The following SLC30A4 variants were observed in gnomAD, a reference collection of about 807,000 sequenced individuals.
SLC30A4 encodes probable proton-coupled zinc antiporter SLC30A4.
SLC30A4 carries 20 observed loss-of-function variants against 41.7 expected under a neutral mutation model. The ratio of observed to expected loss-of-function variants is 0.48; its 90% confidence interval spans 0.34 to 0.70. The LOEUF is 0.70. Ranked by LOEUF, SLC30A4 falls within the 30% of genes least tolerant of loss-of-function variation. The pLI, the probability that SLC30A4 is intolerant of heterozygous loss-of-function variation, is 0.01. For missense variants in SLC30A4, 441 were observed against 529.3 expected, an observed-to-expected ratio of 0.83 and a Z score of 1.64; for synonymous variants, 181 against 195.9, an observed-to-expected ratio of 0.92 and a Z score of 0.64.
At position 45,484,884 on chromosome 15, in the gene SLC30A4, A is replaced by G. The variant is rs1891667344; in HGVS notation, c.*279T>C. The stretch of plus-strand genomic sequence containing the variant: ...GACACGTACTCTGTCAAGTTAATGA[A>G]GTATGATCTTGGATTGTCTTCTATG... On this transcript the variant is annotated 3_prime_UTR_variant, in exon 8 of 8. Transcript: ENST00000261867. 3.0e-6 allele frequency: 1 copy of G among 334,938 alleles called. No individual in the cohort carries two copies. Among genetic ancestry groups the G allele is most frequent in the Non-Finnish European group, 5.4e-6 (1 of 186,100 alleles). The allele number at this position is 334,938 out of a possible 1,614,324, so 20.7% of individuals were successfully genotyped here. A position where few individuals can be genotyped will look rare whatever the true frequency, so the allele number is the denominator to read the frequency against.
intron 3 of SLC30A4, among the ~76,000 whole-genome samples, chr15:45,497,916 T>C (rs973628405): frequency 6.6e-6 from 1 of 152,208 alleles, no homozygotes; most frequent in Non-Finnish European, 1.5e-5. Context: ...AACAAGTAAC[T>C]ATGAGGCACT....
chr15:45,485,256 G>A lies in SLC30A4; in HGVS notation c.1197C>T (p.Asn399=), dbSNP rs1283801715. ...TAGTACATCTATACATGCCAAATGT[G>A]TTCAATAATAAATGGTTTGCTTTGG... ...VQSKANHLLL[N]TFGMYRCTIQ... The change falls in exon 8 of 8, where the codon AAC becomes AAT. Residue 399 remains asparagine (N), a synonymous_variant. Transcript: ENST00000261867. 1.2e-6 allele frequency: 2 copies of A among 1,611,190 alleles called. No homozygotes were observed. Among genetic ancestry groups the A allele is most frequent in the Admixed American group, 1.7e-5 (1 of 59,858 alleles).
intron 2 of SLC30A4, among the ~76,000 whole-genome samples, chr15:45,516,686 T>C (rs1892489364): frequency 6.6e-6 from 1 of 152,134 alleles, no homozygotes; most frequent in Admixed American, 6.5e-5. Context: ...CTGGCCAACA[T>C]GTTGAAACTC....
intron 3 of SLC30A4, among the ~76,000 whole-genome samples, chr15:45,495,982 T>C (rs1264171528): frequency 6.6e-6 from 1 of 152,228 alleles, no homozygotes; most frequent in African/African-American, 2.4e-5. Flanking sequence ...ATAACAGTTA[T>C]ATGTCTTCTG....
chr15:45,522,190 G>A lies in SLC30A4; in HGVS notation c.165C>T (p.Ser55=), dbSNP rs749975391. 2.0e-5 allele frequency: 32 copies of A among 1,614,114 alleles called. No individual in the cohort carries two copies. The highest frequency in any genetic ancestry group is 3.3e-4 in the Middle Eastern group (2 of 6,084). The change falls in exon 2 of 8, where the codon TCC becomes TCT. Residue 55 remains serine (S), a synonymous_variant. Transcript: ENST00000261867. The part of the protein sequence containing the change: ...KLRVVVADDG[S]EAPERPVNGA... ...CGTTAACAGGCCTTTCCGGGGCTTCGGAACCGTCATCGGCCACCACAACTC... is the reference window on the plus strand; with the variant it reads ...CGTTAACAGGCCTTTCCGGGGCTTCAGAACCGTCATCGGCCACCACAACTC...
Position 45,482,155 on chromosome 15 carries a change from T to C in SLC30A4, c.*3008A>G, listed in dbSNP as rs1891612085. The C allele has an allele frequency of 6.6e-6, 1 of 150,778 alleles. No homozygotes were observed. Among genetic ancestry groups the C allele is most frequent in the Non-Finnish European group, 1.5e-5 (1 of 68,144 alleles). 9.3% of individuals were successfully genotyped at this position (150,778 alleles called of 1,614,324 possible). ...CTTTTTGGCTGGGCACAGTGGTTCATGCCCATAAGCCCAGCACTTTGGGAG... is the reference window on the plus strand; with the variant it reads ...CTTTTTGGCTGGGCACAGTGGTTCACGCCCATAAGCCCAGCACTTTGGGAG... On this transcript the variant is annotated 3_prime_UTR_variant, in exon 8 of 8. Transcript: ENST00000261867.
At chr15:45,490,685 T>C in intron 4 of SLC30A4, 43 bp downstream of exon 4, 1 of 1,388,076 alleles carries the variant, frequency 7.2e-7, no homozygotes. Flanking sequence ...GTCTCTGAGT[T>C]CACAGTACTT....
chr15:45,513,974 A>T (rs2140854707), intron 2 of SLC30A4: 1 of 152,460 alleles, frequency 6.6e-6, no homozygotes, highest in Non-Finnish European at 1.5e-5. Flanking sequence ...GTAGGCAATG[A>T]TGTGTTCTCT....
At chr15:45,504,902 G>A (rs1288463405) in intron 3 of SLC30A4, among the ~76,000 whole-genome samples, 1 of 152,100 alleles carries the variant, frequency 6.6e-6, no homozygotes, top group Non-Finnish European at 1.5e-5. Context: ...ACTTCTCTTT[G>A]TTGCCTCTCA....
At position 45,482,640 on chromosome 15, in the gene SLC30A4, A is replaced by T. The variant is rs186042528; in HGVS notation, c.*2523T>A. On this transcript the variant is annotated 3_prime_UTR_variant, in exon 8 of 8. Coordinates refer to ENST00000261867, the MANE Select transcript of SLC30A4 (RefSeq NM_013309.6). ...ACTCAAAGTCCATAAATATGTCCAG[A>T]TGTCCACTGAAATATCTCTCATTTA... 5.1e-4 allele frequency: 78 copies of T among 152,208 alleles called. No homozygotes were observed. Among genetic ancestry groups the T allele is most frequent in the Admixed American group, 4.8e-3 (73 of 15,288 alleles). 9.4% of individuals were successfully genotyped at this position (152,208 alleles called of 1,614,324 possible).
chr15:45,510,056 C>A (rs1004000368), intron 3 of SLC30A4, among the ~76,000 whole-genome samples: 16 of 147,400 alleles, frequency 1.1e-4, no homozygotes, highest in Non-Finnish European at 2.4e-4. Flanking sequence ...TGGGCAACAG[C>A]GCAAGAAGAT....
At chr15:45,503,457 A>G (rs1180261892) in intron 3 of SLC30A4, among the ~76,000 whole-genome samples, 1 of 151,956 alleles carries the variant, frequency 6.6e-6, no homozygotes, top group Non-Finnish European at 1.5e-5. Flanking sequence ...TCTCTACCAA[A>G]ATACAAAAAT....
At chr15:45,508,856 T>C (rs945794379) in intron 3 of SLC30A4, among the ~76,000 whole-genome samples, 1 of 152,206 alleles carries the variant, frequency 6.6e-6, no homozygotes, top group Non-Finnish European at 1.5e-5. Flanking sequence ...AAAGTGACTA[T>C]GTAGAACAAA....
At chr15:45,505,743 A>G (rs1306532101) in intron 3 of SLC30A4, among the ~76,000 whole-genome samples, 1 of 152,158 alleles carries the variant, frequency 6.6e-6, no homozygotes, top group East Asian at 1.9e-4. Context: ...ATATGAACAT[A>G]TATATGTATT....
At chr15:45,518,679 C>G (rs147696991) in intron 2 of SLC30A4, among the ~76,000 whole-genome samples, 120 of 151,962 alleles carry the variant, frequency 7.9e-4, no homozygotes, top group African/African-American at 2.7e-3. Flanking sequence ...CCTGCCACTT[C>G]AGCCTCCAGA....
chr15:45,520,938 G>C, intron 2 of SLC30A4: 1 of 431,360 alleles, frequency 2.3e-6, no homozygotes, highest in South Asian at 1.8e-5. Context: ...GAACGCCTTA[G>C]AGGCAAAAAG....
At chr15:45,501,523 C>T (rs767530303) in intron 3 of SLC30A4, among the ~76,000 whole-genome samples, 3 of 152,100 alleles carry the variant, frequency 2.0e-5, no homozygotes, top group Non-Finnish European at 4.4e-5. Flanking sequence ...TTGTTTTAGA[C>T]AGAGTCTTGC....
At chr15:45,487,905 GAAGT>G (rs1311027716) in intron 5 of SLC30A4, among the ~76,000 whole-genome samples, 3 of 134,506 alleles carry the variant, frequency 2.2e-5, no homozygotes, top group Non-Finnish European at 4.7e-5. Context: ...GAGCTGGAAA[GAAGT>G]AAGTGTGTGT....
Position 45,488,883 on chromosome 15 carries a change from C to G in SLC30A4, c.852G>C (p.Gln284His). The change falls in exon 5 of 8, where the codon CAG (glutamine) becomes CAC (histidine). Residue 284 changes from glutamine to histidine, a missense_variant. This residue lies in a region of SLC30A4 where 29 missense variants were observed against 66.4 expected (regional missense o/e 0.44). Coordinates refer to ENST00000261867, the MANE Select transcript of SLC30A4 (RefSeq NM_013309.6). ...AFVHALGDLV[Q>H]SVGVLIAAYI... ...ATGCAGCTATTAGCACACCAACACT[C>G]TGTACCAAATCTCCCAAAGCATGTA... The G allele has an allele frequency of 6.2e-7, 1 of 1,614,110 alleles. No homozygotes were observed. The highest frequency in any genetic ancestry group is 8.5e-7 in the Non-Finnish European group (1 of 1,180,006).
Sources: gnomAD v4.1 joint callset for allele counts (sites outside exome capture counted in the v4.1 genomes callset) on GRCh38, gnomAD v4.1.1 for gene constraint, gnomAD v4.1.1 regional missense constraint, MANE v1.5 for transcripts, NCBI Gene and HGNC (gene_info 2026-07-23, HGNC 2026-07-21) for gene names.